The following PARD3B variants were observed in gnomAD, a reference collection of about 807,000 sequenced individuals.
PARD3B encodes partitioning defective 3 homolog B.
Under a neutral mutation model 130.2 loss-of-function variants are expected in PARD3B, and 103 were observed. The ratio of observed to expected loss-of-function variants is 0.79; its 90% confidence interval spans 0.67 to 0.93. PARD3B has a LOEUF of 0.93. PARD3B is among the 40% of genes least tolerant of loss of function. The probability of loss-of-function intolerance (pLI) is 0.00; values close to 1 mark genes in which losing one functional copy is unlikely to be tolerated. For synonymous variants in PARD3B, 583 were observed against 553.2 expected (o/e 1.05, Z -0.76); for missense variants, 1,609 against 1,499.2 (o/e 1.07, Z -1.21).
At chr2:205,168,706 GCA>G (rs2034976381) in intron 11 of PARD3B, among the ~76,000 whole-genome samples, 1 of 147,556 alleles carries the variant, frequency 6.8e-6, no homozygotes, top group African/African-American at 2.5e-5. Context: ...CCATGCCCCT[GCA>G]CAGTTTCCTG....
intron 20 of PARD3B, among the ~76,000 whole-genome samples, chr2:205,478,108 T>A (rs926333328): frequency 2.0e-5 from 3 of 152,224 alleles, no homozygotes; most frequent in Non-Finnish European, 2.9e-5. Context: ...TGGCATTACC[T>A]CTTGTCCACA....
chr2:205,493,294 G>T (rs558160525), intron 20 of PARD3B, among the ~76,000 whole-genome samples: 27 of 152,046 alleles, frequency 1.8e-4, no homozygotes, highest in Non-Finnish European at 2.6e-4. Flanking sequence ...ATGATTTTTA[G>T]CTTCTTACAT....
At chr2:204,844,053 C>CT (rs1404589879) in intron 2 of PARD3B, among the ~76,000 whole-genome samples, 3 of 152,106 alleles carry the variant, frequency 2.0e-5, no homozygotes, top group African/African-American at 7.3e-5. Context: ...GAGAGAGAAA[C>CT]TACTTAGTTT....
At chr2:205,206,151 A>G (rs1029822689) in intron 15 of PARD3B, among the ~76,000 whole-genome samples, 43 of 150,750 alleles carry the variant, frequency 2.9e-4, no homozygotes, top group Non-Finnish European at 4.4e-4. Flanking sequence ...TTTTCTTATC[A>G]CTTGCTTTTG....
intron 2 of PARD3B, among the ~76,000 whole-genome samples, chr2:204,731,342 G>A (rs1418835903): frequency 1.3e-5 from 2 of 152,154 alleles, no homozygotes; most frequent in Admixed American, 6.5e-5. Context: ...TGGCTGTTGA[G>A]TCTTGCAACA....
chr2:205,406,390 G>T (rs1241446677), intron 19 of PARD3B, among the ~76,000 whole-genome samples: 2 of 152,122 alleles, frequency 1.3e-5, no homozygotes, highest in African/African-American at 4.8e-5. Flanking sequence ...AAATTAGGGT[G>T]CAGTATGAGG....
At chr2:205,163,525 A>T in intron 11 of PARD3B, among the ~76,000 whole-genome samples, 1 of 152,240 alleles carries the variant, frequency 6.6e-6, no homozygotes, top group East Asian at 1.9e-4. Context: ...CATAATCTGC[A>T]CTGTTTAGTA....
rs988524531 is a variant in PARD3B at position 205,562,799 on chromosome 2, T to C, written c.3260+9396T>C. Reference sequence around the variant, plus strand: ...ATGGTGGTGATTTTCTTGATAATGCTGTACCGTTTTGCATGATGCACACTG... The same window carrying C: ...ATGGTGGTGATTTTCTTGATAATGCCGTACCGTTTTGCATGATGCACACTG... On this transcript the variant is annotated intron_variant, in intron 22 of 22. Transcript: ENST00000406610. The surrounding 1 kb of genome is among the most constrained non-coding windows in gnomAD (Gnocchi z 5.4). 5.3e-5 allele frequency among the ~76,000 whole-genome samples: 8 copies of C among 152,202 alleles called. No individual in the cohort carries two copies. Among genetic ancestry groups the C allele is most frequent in the African/African-American group, 1.9e-4 (8 of 41,454 alleles).
intron 15 of PARD3B, among the ~76,000 whole-genome samples, chr2:205,216,037 G>A (rs1031578382): frequency 6.6e-6 from 1 of 152,060 alleles, no homozygotes; most frequent in Non-Finnish European, 1.5e-5. Flanking sequence ...ATATAATCAT[G>A]TACGATGTAG....
chr2:204,855,507 A>G (rs1450260759), intron 2 of PARD3B, among the ~76,000 whole-genome samples: 1 of 151,158 alleles, frequency 6.6e-6, no homozygotes, highest in African/African-American at 2.4e-5. Context: ...TTGCCACTGC[A>G]CTCCAGCCTG....
chr2:204,599,812 T>TA (rs2033437261), intron 1 of PARD3B, among the ~76,000 whole-genome samples: 1 of 151,918 alleles, frequency 6.6e-6, no homozygotes, highest in Non-Finnish European at 1.5e-5. Context: ...CAACAGTGTA[T>TA]AAGTGTTCCT....
intron 22 of PARD3B, among the ~76,000 whole-genome samples, chr2:205,593,543 A>C (rs979480684): frequency 6.6e-6 from 1 of 152,224 alleles, no homozygotes; most frequent in Non-Finnish European, 1.5e-5. Flanking sequence ...AAGGATAAGT[A>C]TGTTGTAAAT....
At chr2:205,529,014 C>T (rs891129600) in intron 21 of PARD3B, among the ~76,000 whole-genome samples, 4 of 151,940 alleles carry the variant, frequency 2.6e-5, no homozygotes, top group Admixed American at 2.6e-4. Flanking sequence ...GGTGGCATGA[C>T]CCTACTTGAG....
intron 2 of PARD3B, among the ~76,000 whole-genome samples, chr2:204,705,987 G>T (rs1180776683): frequency 2.6e-5 from 4 of 152,122 alleles, no homozygotes; most frequent in East Asian, 3.8e-4. Context: ...CTTTGATTGG[G>T]TGAATGGATG....
At chr2:205,161,093 A>G (rs2034479213) in intron 11 of PARD3B, among the ~76,000 whole-genome samples, 1 of 152,168 alleles carries the variant, frequency 6.6e-6, no homozygotes, top group African/African-American at 2.4e-5. Context: ...TATTTGTAGA[A>G]TTTACTCCAA....
intron 2 of PARD3B, among the ~76,000 whole-genome samples, chr2:204,872,372 G>T (rs1292983119): frequency 6.6e-6 from 1 of 152,038 alleles, no homozygotes; most frequent in Non-Finnish European, 1.5e-5. Flanking sequence ...TTGCTTAAAA[G>T]GTTTTGGATA....
chr2:205,592,564 A>G lies in PARD3B; in HGVS notation c.3261-22892A>G, dbSNP rs1204194980. Reference sequence around the variant, plus strand: ...GAGACACCAGAAAACAGGTGATTAAATACAATGGTTATTGATTCCATAGAG... The same window carrying G: ...GAGACACCAGAAAACAGGTGATTAAGTACAATGGTTATTGATTCCATAGAG... On this transcript the variant is annotated intron_variant, in intron 22 of 22. Transcript: ENST00000406610. This position sits in a 1 kb window ranked among gnomAD's most constrained non-coding sequence, Gnocchi z 4.5. Among the ~76,000 whole-genome samples, 2 of 152,222 alleles carry G rather than the reference A, an allele frequency of 1.3e-5. No individual in the cohort carries two copies. The highest frequency in any genetic ancestry group is 6.5e-5 in the Admixed American group (1 of 15,282).
intron 2 of PARD3B, among the ~76,000 whole-genome samples, chr2:204,749,634 A>G (rs182627584): frequency 1.3e-5 from 2 of 152,296 alleles, no homozygotes; most frequent in East Asian, 1.9e-4. Context: ...AGAGATCTGA[A>G]TTATATTTCT....
At chr2:205,145,346 G>A (rs1380149846) in intron 10 of PARD3B, among the ~76,000 whole-genome samples, 1 of 151,464 alleles carries the variant, frequency 6.6e-6, no homozygotes, top group Non-Finnish European at 1.5e-5. Flanking sequence ...AAAGAGAAAA[G>A]AAATTTCTCA....
Sources: gnomAD v4.1 joint callset for allele counts (sites outside exome capture counted in the v4.1 genomes callset) on GRCh38, gnomAD v4.1.1 for gene constraint, Gnocchi (gnomAD v3.1) non-coding constraint, MANE v1.5 for transcripts, NCBI Gene and HGNC (gene_info 2026-07-23, HGNC 2026-07-21) for gene names.